C1orf174: variants seen among roughly 807,000 people sequenced by gnomAD.
C1orf174 encodes the protein UPF0688 protein C1orf174.
Under a neutral mutation model 18.4 loss-of-function variants are expected in C1orf174, and 13 were observed. The ratio of observed to expected loss-of-function variants is 0.71; its 90% CI spans 0.46 to 1.12. C1orf174 has a LOEUF of 1.12. C1orf174 is among the 50% of genes most tolerant of loss of function. The pLI is 0.00. For synonymous variants in C1orf174, 100 were observed against 118.3 expected (o/e 0.85, Z 1.01); for missense variants, 309 against 308.0 (o/e 1.00, Z -0.02).
At position 3,889,700 on chromosome 1, in the gene C1orf174, G is replaced by GA. The variant is rs59405380; in HGVS notation, c.*259dup. On this transcript the variant is annotated 3_prime_UTR_variant, in exon 4 of 4. Coordinates refer to ENST00000361605, the MANE Select transcript of C1orf174 (RefSeq NM_207356.3). ...ACAAGAGAGAAACTCTGTCTCCAAG[G>GA]AAAAAAAAAAAAAAAAAAAAAGAAA... 0.043 allele frequency: 6,219 copies of GA among 146,016 alleles called. 36 individuals are homozygous for GA. Among genetic ancestry groups the GA allele is most frequent in the South Asian group, 0.059 (537 of 9,160 alleles). The allele number at this position is 146,016 out of a possible 1,614,324, so 9.0% of individuals were successfully genotyped here. A position where few individuals can be genotyped will look rare whatever the true frequency, so the allele number is the denominator to read the frequency against.
chr1:3,895,636 G>A (rs932896806), intron 1 of C1orf174: 5 of 152,246 alleles, frequency 3.3e-5, no homozygotes, highest in African/African-American at 1.2e-4. Flanking sequence ...GTCAAAACAT[G>A]AGATCGGCTT....
chr1:3,889,414 G>A lies in C1orf174; in HGVS notation c.*546C>T, dbSNP rs1638443792. Reference sequence around the variant, plus strand: ...ATGTACGTGTATAAGAAAGGACACTGGCCGGGCATGGTGGCTCGCGCCTGT... The same window carrying A: ...ATGTACGTGTATAAGAAAGGACACTAGCCGGGCATGGTGGCTCGCGCCTGT... On this transcript the variant is annotated 3_prime_UTR_variant, in exon 4 of 4. Transcript: ENST00000361605. 6.4e-6 allele frequency: 1 copy of A among 155,574 alleles called. No homozygotes were observed. Among genetic ancestry groups the A allele is most frequent in the African/African-American group, 2.4e-5 (1 of 41,444 alleles). 9.6% of individuals were successfully genotyped at this position (155,574 alleles called of 1,614,324 possible). A position where few individuals can be genotyped will look rare whatever the true frequency, so the allele number is the denominator to read the frequency against.
intron 1 of C1orf174, among the ~76,000 whole-genome samples, chr1:3,899,707 G>T (rs999322550): frequency 2.0e-5 from 3 of 152,186 alleles, no homozygotes; most frequent in African/African-American, 7.2e-5. Context: ...ACCTTCCTAG[G>T]AAAGTGGCCC....
intron 1 of C1orf174, among the ~76,000 whole-genome samples, chr1:3,894,903 G>A (rs959889653): frequency 1.3e-5 from 2 of 152,234 alleles, no homozygotes; most frequent in Non-Finnish European, 2.9e-5. Flanking sequence ...GAGAGCCCCG[G>A]CAGACGTCAT....
intron 1 of C1orf174, 148 bp downstream of exon 1, chr1:3,900,024 C>T (rs111352270): frequency 0.033 from 21,078 of 637,386 alleles, 349 homozygotes; most frequent in Middle Eastern, 0.048. Flanking sequence ...TGGCCTGGAG[C>T]CCCCCAACTA....
intron 2 of C1orf174, chr1:3,891,789 G>C (rs1479376896): frequency 2.0e-6 from 2 of 986,296 alleles, no homozygotes; most frequent in Non-Finnish European, 2.4e-6. Flanking sequence ...GCTAAGAGCA[G>C]AGCGATGAGC....
chr1:3,897,197 G>A (rs1638621130), intron 1 of C1orf174, among the ~76,000 whole-genome samples: 1 of 152,212 alleles, frequency 6.6e-6, no homozygotes, highest in South Asian at 2.1e-4. Flanking sequence ...CACAGAAGCT[G>A]TCTGTGAGAG....
At chr1:3,899,135 AAGAC>A (rs1226323326) in intron 1 of C1orf174, among the ~76,000 whole-genome samples, 2 of 152,238 alleles carry the variant, frequency 1.3e-5, no homozygotes, top group Admixed American at 6.5e-5. Context: ...GGGGAAGAAA[AAGAC>A]AGACTTGTAT....
intron 2 of C1orf174, 44 bp downstream of exon 2, chr1:3,892,839 C>G: frequency 6.3e-7 from 1 of 1,598,174 alleles, no homozygotes; most frequent in Non-Finnish European, 8.5e-7. Flanking sequence ...AAAAATGGAC[C>G]CTCGAGTCAG....
intron 1 of C1orf174, among the ~76,000 whole-genome samples, chr1:3,898,433 G>A (rs1279765105): frequency 2.0e-5 from 3 of 151,676 alleles, no homozygotes; most frequent in East Asian, 3.9e-4. Context: ...ACTTGAACCC[G>A]GGAGGCAGAG....
intron 2 of C1orf174, 44 bp downstream of exon 2, chr1:3,892,839 C>A: frequency 6.3e-7 from 1 of 1,598,174 alleles, no homozygotes; most frequent in Non-Finnish European, 8.5e-7. Context: ...AAAAATGGAC[C>A]CTCGAGTCAG....
Position 3,896,106 on chromosome 1 carries a change from A to G in C1orf174, c.16-3110T>C, listed in dbSNP as rs528906779. On this transcript the variant is annotated intron_variant, in intron 1 of 3. Coordinates refer to ENST00000361605, the MANE Select transcript of C1orf174 (RefSeq NM_207356.3). ...GCCAAGAACACAGGGCCACCTCCCCAGCTCCCAGGCAGCGGGGTGTCTTCC... is the reference window on the plus strand; with the variant it reads ...GCCAAGAACACAGGGCCACCTCCCCGGCTCCCAGGCAGCGGGGTGTCTTCC... The G allele has an allele frequency of 5.9e-5, 9 of 152,936 alleles. No individual in the cohort carries two copies. The South Asian group carries it at 1.7e-3, about 28-fold the overall frequency. The allele number at this position is 152,936 out of a possible 1,614,324, so 9.5% of individuals were successfully genotyped here.
intron 2 of C1orf174, chr1:3,891,725 C>T (rs1570964317): frequency 1.0e-6 from 1 of 986,060 alleles, no homozygotes; most frequent in South Asian, 4.7e-5. Flanking sequence ...CCTTTCTCTT[C>T]AAGCCTCTGG....
chr1:3,891,677 C>A, intron 2 of C1orf174: 4 of 985,936 alleles, frequency 4.1e-6, no homozygotes, highest in Non-Finnish European at 4.8e-6. Context: ...CTAGGGTGAA[C>A]GGCAGACGGC....
rs143229412 is a variant in C1orf174, at chr1:3,890,780, C to G, written c.407G>C (p.Arg136Thr). The G allele has an allele frequency of 8.4e-5, 136 of 1,614,020 alleles. 1 individual carries two copies. In the African/African-American group the frequency reaches 1.5e-3, roughly 17 times the overall value. ...VVSDSRLAKT[R>T]DGLSVPKHSA... ...GTGTTTTGGCACGGACAGGCCATCT[C>G]TAGTCTTTGCTAAGCGAGAGTCACT... The change falls in exon 3 of 4, where the codon AGA (arginine) becomes ACA (threonine). Residue 136 changes from arginine (R) to threonine (T), a missense_variant. Physicochemically the swap from Arg to Thr is moderately conservative, Grantham distance 71. Coordinates refer to ENST00000361605, the MANE Select transcript of C1orf174 (RefSeq NM_207356.3).
intron 2 of C1orf174, chr1:3,892,602 G>A (rs1485777891): frequency 1.8e-6 from 1 of 556,402 alleles, no homozygotes; most frequent in East Asian, 5.8e-5. Flanking sequence ...CAGGGCCCGG[G>A]TCTAGACACA....
intron 1 of C1orf174, among the ~76,000 whole-genome samples, chr1:3,894,651 C>T (rs996960853): frequency 6.6e-6 from 1 of 152,106 alleles, no homozygotes; most frequent in Non-Finnish European, 1.5e-5. Context: ...CCATGCACCC[C>T]GTAGCCCAAG....
intron 1 of C1orf174, chr1:3,895,704 A>C (rs538631646): frequency 7.2e-4 from 110 of 152,384 alleles, no homozygotes; most frequent in Middle Eastern, 3.4e-3. Flanking sequence ...AAATGTCAAG[A>C]ATTGGTCACA....
chr1:3,899,483 C>T (rs1469876860), intron 1 of C1orf174, among the ~76,000 whole-genome samples: 1 of 140,670 alleles, frequency 7.1e-6, no homozygotes, highest in Non-Finnish European at 1.5e-5. Flanking sequence ...TGAGCACTTG[C>T]CCCTTGCCAG....
Sources: allele counts gnomAD v4.1 joint callset (sites outside exome capture counted in the v4.1 genomes callset), GRCh38; gene constraint gnomAD v4.1.1; transcripts MANE v1.5; gene names NCBI Gene and HGNC (gene_info 2026-07-23, HGNC 2026-07-21).